The following RFX7 variants were observed in gnomAD, a reference collection of about 807,000 sequenced individuals.
RFX7 encodes the protein DNA-binding protein RFX7.
Under a neutral mutation model 111.8 loss-of-function variants are expected in RFX7, and 26 were observed. That is an observed-to-expected ratio of 0.23 (90% confidence interval 0.17 to 0.32). The LOEUF (loss-of-function observed/expected upper bound fraction) is 0.32. RFX7 is among the 10% of genes least tolerant of loss of function. The pLI, the probability that RFX7 is intolerant of heterozygous loss-of-function variation, is 1.00. For missense variants in RFX7, 1,573 were observed against 1,772.9 expected, an observed-to-expected ratio of 0.89 and a Z score of 2.02; for synonymous variants, 624 against 624.4, an observed-to-expected ratio of 1.00 and a Z score of 0.01.
chr15:56,219,053 T>C lies in RFX7; in HGVS notation c.161+24072A>G, dbSNP rs139626651. Among the ~76,000 whole-genome samples, 256 of 152,324 alleles carry C rather than the reference T, an allele frequency of 1.7e-3. 2 individuals carry two copies. The highest frequency in any genetic ancestry group is 5.9e-3 in the African/African-American group (246 of 41,580). ...AACATTAATACCTTCTGGGGTTTAT[T>C]ATAAAAAGTTAAAGTGTAATAATTT... is the stretch of plus-strand genomic sequence containing the variant. On this transcript the variant is annotated intron_variant, in intron 2 of 9. Coordinates refer to ENST00000559447, the MANE Select transcript of RFX7 (RefSeq NM_022841.7).
chr15:56,210,160 G>A (rs1567047348), intron 2 of RFX7, among the ~76,000 whole-genome samples: 2 of 152,016 alleles, frequency 1.3e-5, no homozygotes, highest in African/African-American at 4.8e-5. Context: ...GCTAATACTA[G>A]TCAAAAGAAA....
intron 8 of RFX7, 53 bp from the exon 9 acceptor site, chr15:56,098,429 G>C: frequency 6.7e-7 from 1 of 1,495,962 alleles, no homozygotes; most frequent in Non-Finnish European, 8.9e-7. Context: ...TTATAGAAGG[G>C]AGGTTCCTTT....
intron 3 of RFX7, among the ~76,000 whole-genome samples, chr15:56,166,417 A>G (rs960459299): frequency 6.6e-6 from 1 of 152,192 alleles, no homozygotes; most frequent in Non-Finnish European, 1.5e-5. Context: ...GGACCCAAAC[A>G]TTAGAATTAG....
intron 5 of RFX7, among the ~76,000 whole-genome samples, chr15:56,109,140 T>A (rs1478850918): frequency 6.6e-6 from 1 of 152,122 alleles, no homozygotes; most frequent in African/African-American, 2.4e-5. Context: ...CACTGCAACC[T>A]CCCTGCCTGA....
rs766726923 is a variant in RFX7 at position 56,093,819 on chromosome 15, A to C, written c.3909T>G (p.Asp1303Glu). The change falls in exon 10 of 10, where the codon GAT becomes GAG. Residue 1303 changes from aspartate (D) to glutamate (E), a missense_variant. By Grantham distance (45) the Asp-to-Glu change is conservative (BLOSUM62 2). Transcript: ENST00000559447. Reference sequence around the variant, plus strand: ...GGAACTCATAAACAGAAGTGCTGGAATCGATCATATTTTGTGGGTTGGCAC... The same window carrying C: ...GGAACTCATAAACAGAAGTGCTGGACTCGATCATATTTTGTGGGTTGGCAC... The part of the protein sequence containing the change: ...FPSANPQNMI[D>E]SSTSVYEFQT... The C allele has an allele frequency of 6.2e-7, 1 of 1,613,972 alleles. No homozygotes were observed. The highest frequency in any genetic ancestry group is 8.5e-7 in the Non-Finnish European group (1 of 1,179,870).
chr15:56,156,457 C>T (rs934345268), intron 3 of RFX7, among the ~76,000 whole-genome samples: 38 of 152,126 alleles, frequency 2.5e-4, no homozygotes, highest in African/African-American at 8.9e-4. Flanking sequence ...AACAAAACCA[C>T]AGTTTGTTCA....
intron 3 of RFX7, among the ~76,000 whole-genome samples, chr15:56,155,615 C>T (rs10851603): frequency 2.0e-5 from 3 of 151,616 alleles, no homozygotes; most frequent in East Asian, 1.9e-4. Flanking sequence ...GGCCCGTCGG[C>T]GGGTGTGGGG....
At chr15:56,108,243 G>C (rs951480245) in intron 5 of RFX7, among the ~76,000 whole-genome samples, 4 of 152,116 alleles carry the variant, frequency 2.6e-5, no homozygotes, top group African/African-American at 7.2e-5. Flanking sequence ...TCCTGGCAGA[G>C]ACACAACAAA....
chr15:56,089,918 G>A lies in RFX7; in HGVS notation c.*3427C>T, dbSNP rs907977287. On this transcript the variant is annotated 3_prime_UTR_variant, in exon 10 of 10. Coordinates refer to ENST00000559447, the MANE Select transcript of RFX7 (RefSeq NM_022841.7). ...TACAAAGATCTATGTAAACAGAGGA[G>A]TAGGCTGTTTGAGAAGATCTGTCTA... 2 of 152,104 alleles carry A rather than the reference G, an allele frequency of 1.3e-5. No individual in the cohort carries two copies. Among genetic ancestry groups the A allele is most frequent in the Admixed American group, 6.6e-5 (1 of 15,262 alleles). The allele number at this position is 152,104 out of a possible 1,614,324, so 9.4% of individuals were successfully genotyped here.
intron 2 of RFX7, among the ~76,000 whole-genome samples, chr15:56,232,977 T>G (rs1416659017): frequency 6.6e-6 from 1 of 152,218 alleles, no homozygotes; most frequent in African/African-American, 2.4e-5. Flanking sequence ...TTTTCCTATC[T>G]TCTTCTGAGC....
rs1355840878 is a variant in RFX7, at chr15:56,087,999, A to G, written c.*5346T>C. On this transcript the variant is annotated 3_prime_UTR_variant, in exon 10 of 10. Transcript: ENST00000559447. ...AATACATCAGGGTATTTCTATGGAGAGAAGGGAGGGAAAAGGATTCAAGTA... is the reference window on the plus strand; with the variant it reads ...AATACATCAGGGTATTTCTATGGAGGGAAGGGAGGGAAAAGGATTCAAGTA... 1 of 334,332 alleles carries G rather than the reference A, an allele frequency of 3.0e-6. No homozygotes were observed. Among genetic ancestry groups the G allele is most frequent in the Admixed American group, 4.3e-5 (1 of 23,296 alleles). 20.7% of individuals were successfully genotyped at this position (334,332 alleles called of 1,614,324 possible). A position where few individuals can be genotyped will look rare whatever the true frequency, so the allele number is the denominator to read the frequency against.
Position 56,093,493 on chromosome 15 carries a change from T to A in RFX7, c.4235A>T (p.Gln1412Leu). 6.2e-7 allele frequency: 1 copy of A among 1,613,962 alleles called. No homozygotes were observed. ...CAGTGTAGCTTCATCATCTTGTCCCTGCTGACGACCTGGATCAAACAGTAG... is the reference window on the plus strand; with the variant it reads ...CAGTGTAGCTTCATCATCTTGTCCCAGCTGACGACCTGGATCAAACAGTAG... ...PNLLFDPGRQ[Q>L]GQDDEATLEE... The change falls in exon 10 of 10, where the codon CAG becomes CTG. Residue 1412 changes from glutamine (Q) to leucine (L), a missense_variant. Coordinates refer to ENST00000559447, the MANE Select transcript of RFX7 (RefSeq NM_022841.7).
chr15:56,227,802 T>C (rs1289461023), intron 2 of RFX7, among the ~76,000 whole-genome samples: 2 of 152,192 alleles, frequency 1.3e-5, no homozygotes, highest in African/African-American at 4.8e-5. Flanking sequence ...ATTTATTTCT[T>C]CTCACTCTTC....
chr15:56,191,691 GA>G (rs200362111), intron 2 of RFX7, among the ~76,000 whole-genome samples: 1 of 150,278 alleles, frequency 6.7e-6, no homozygotes, highest in African/African-American at 2.4e-5. Flanking sequence ...TTTCTTGTGG[GA>G]AAAAAAAACC....
chr15:56,139,991 G>C (rs1442500189), intron 5 of RFX7, among the ~76,000 whole-genome samples: 1 of 152,032 alleles, frequency 6.6e-6, no homozygotes, highest in Non-Finnish European at 1.5e-5. Context: ...CTCCAGCTGC[G>C]TGCTGGGAGA....
chr15:56,194,492 T>C (rs933992172), intron 2 of RFX7, among the ~76,000 whole-genome samples: 4 of 152,288 alleles, frequency 2.6e-5, no homozygotes, highest in Admixed American at 2.6e-4. Context: ...TGACTTCAGA[T>C]CCCTTTTGTA....
At chr15:56,129,486 G>T (rs2042185799) in intron 5 of RFX7, among the ~76,000 whole-genome samples, 1 of 152,008 alleles carries the variant, frequency 6.6e-6, no homozygotes, top group Non-Finnish European at 1.5e-5. Context: ...TTTATTCTTA[G>T]GAGAAGTATC....
intron 2 of RFX7, among the ~76,000 whole-genome samples, chr15:56,191,638 CTG>C (rs1245038903): frequency 6.6e-6 from 1 of 151,986 alleles, no homozygotes; most frequent in Non-Finnish European, 1.5e-5. Context: ...GACTAAAAGA[CTG>C]TATTTTATTA....
intron 2 of RFX7, among the ~76,000 whole-genome samples, chr15:56,232,428 T>C (rs1430475033): frequency 6.6e-6 from 1 of 152,066 alleles, no homozygotes; most frequent in African/African-American, 2.4e-5. Context: ...ATGAAATCAT[T>C]TTTACCTCCT....
Sources: gnomAD v4.1 joint callset for allele counts (sites outside exome capture counted in the v4.1 genomes callset) on GRCh38, gnomAD v4.1.1 for gene constraint, MANE v1.5 for transcripts, NCBI Gene and HGNC (gene_info 2026-07-23, HGNC 2026-07-21) for gene names.